CYSTM1: variants seen among roughly 807,000 people sequenced by gnomAD.
CYSTM1 encodes the protein cysteine-rich transmembrane module-containing protein 1.
CYSTM1 carries 4 observed loss-of-function variants against 13.1 expected under a neutral mutation model. The observed-to-expected ratio is 0.31, with a 90% CI of 0.15 to 0.70. CYSTM1 has a LOEUF of 0.70. Ranked by LOEUF, CYSTM1 falls within the 30% of genes least tolerant of loss-of-function variation. The probability of loss-of-function intolerance (pLI) is 0.72; values close to 1 mark genes in which losing one functional copy is unlikely to be tolerated. For missense variants in CYSTM1, 96 were observed against 121.6 expected, an observed-to-expected ratio of 0.79 and a Z score of 0.99; for synonymous variants, 36 against 42.7, an observed-to-expected ratio of 0.84 and a Z score of 0.62.
At chr5:140,204,730 TTC>T (rs1764277023) in intron 2 of CYSTM1, among the ~76,000 whole-genome samples, 1 of 152,186 alleles carries the variant, frequency 6.6e-6, no homozygotes, top group African/African-American at 2.4e-5. Context: ...CGTTTTTTTC[TTC>T]TTTCACCTCT....
chr5:140,186,176 A>T (rs937416631), intron 1 of CYSTM1, among the ~76,000 whole-genome samples: 1 of 152,214 alleles, frequency 6.6e-6, no homozygotes, highest in South Asian at 2.1e-4. Flanking sequence ...CCTGATATGT[A>T]GTAGGTACTT....
intron 2 of CYSTM1, 132 bp downstream of exon 2, chr5:140,194,784 G>A: frequency 8.9e-7 from 1 of 1,125,344 alleles, no homozygotes; most frequent in Non-Finnish European, 1.3e-6. Context: ...GCTTGATGAT[G>A]GCTTAGGGTG....
At chr5:140,241,623 G>A (rs770773032) in intron 2 of CYSTM1, among the ~76,000 whole-genome samples, 3 of 152,204 alleles carry the variant, frequency 2.0e-5, no homozygotes, top group Non-Finnish European at 4.4e-5. Context: ...ACAGGGAAGG[G>A]GTTATTCAAG....
At chr5:140,187,020 G>A (rs1373228988) in intron 1 of CYSTM1, among the ~76,000 whole-genome samples, 1 of 152,116 alleles carries the variant, frequency 6.6e-6, no homozygotes, top group Non-Finnish European at 1.5e-5. Context: ...CAGCTGCCCT[G>A]GAGGCTGAGG....
intron 1 of CYSTM1, among the ~76,000 whole-genome samples, chr5:140,188,640 G>A (rs1160943368): frequency 6.6e-6 from 1 of 151,950 alleles, no homozygotes; most frequent in East Asian, 1.9e-4. Context: ...TTAGCTGGGC[G>A]CAGTGGCGGG....
intron 1 of CYSTM1, among the ~76,000 whole-genome samples, chr5:140,191,817 T>G (rs1423259185): frequency 6.6e-6 from 1 of 152,196 alleles, no homozygotes; most frequent in African/African-American, 2.4e-5. Context: ...GGAATGGCCA[T>G]ATGGGGATTA....
chr5:140,227,584 A>G (rs1764572198), intron 2 of CYSTM1, among the ~76,000 whole-genome samples: 2 of 152,070 alleles, frequency 1.3e-5, no homozygotes, highest in Admixed American at 6.5e-5. Flanking sequence ...GGTTGTGGGG[A>G]GTTGGACCAT....
Position 140,194,481 on chromosome 5 carries a change from C to T in CYSTM1, c.16C>T (p.Pro6Ser). 1.3e-6 allele frequency: 2 copies of T among 1,598,400 alleles called. No individual in the cohort carries two copies. The highest frequency in any genetic ancestry group is 2.3e-5 in the South Asian group (2 of 88,232). The change falls in exon 2 of 3, where the codon CCT (proline) becomes TCT (serine). Residue 6 changes from proline to serine, a missense_variant. Coordinates refer to ENST00000261811, the MANE Select transcript of CYSTM1 (RefSeq NM_032412.4). MNQEN[P>S]PPYPGPGPTA... ...CAGGTCCCCGATGAACCAAGAGAACCCTCCACCATATCCAGGCCCTGGTCC... is the reference window on the plus strand; with the variant it reads ...CAGGTCCCCGATGAACCAAGAGAACTCTCCACCATATCCAGGCCCTGGTCC...
chr5:140,177,159 C>G (rs1179585370), intron 1 of CYSTM1, among the ~76,000 whole-genome samples: 4 of 151,048 alleles, frequency 2.6e-5, no homozygotes, highest in African/African-American at 9.7e-5. Flanking sequence ...GCTATTTTGT[C>G]TTAATTTCCT....
intron 2 of CYSTM1, among the ~76,000 whole-genome samples, chr5:140,207,815 C>T (rs1764316421): frequency 6.6e-6 from 1 of 152,184 alleles, no homozygotes; most frequent in Non-Finnish European, 1.5e-5. Context: ...ATTAATCATT[C>T]ACATCTGAGT....
chr5:140,204,268 G>A (rs780126994), intron 2 of CYSTM1, among the ~76,000 whole-genome samples: 1 of 152,110 alleles, frequency 6.6e-6, no homozygotes, highest in Non-Finnish European at 1.5e-5. Flanking sequence ...ATCTGCTCAG[G>A]AGGCTGAGGC....
At chr5:140,232,871 C>T (rs967576597) in intron 2 of CYSTM1, among the ~76,000 whole-genome samples, 8 of 152,174 alleles carry the variant, frequency 5.3e-5, no homozygotes. Context: ...TAATGTCACT[C>T]AGCTTTGAGC....
chr5:140,195,602 C>T (rs1237579186), intron 2 of CYSTM1, among the ~76,000 whole-genome samples: 2 of 151,526 alleles, frequency 1.3e-5, no homozygotes, highest in Admixed American at 6.6e-5. Context: ...CCACCACGCC[C>T]GGCTAATTTT....
intron 2 of CYSTM1, among the ~76,000 whole-genome samples, chr5:140,196,355 C>G (rs997451871): frequency 3.3e-5 from 5 of 152,098 alleles, no homozygotes; most frequent in Non-Finnish European, 7.4e-5. Flanking sequence ...AGAGATTTTC[C>G]TGTCATTTAG....
In CYSTM1 at chr5:140,194,515, C is replaced by T; in HGVS notation, c.50C>T (p.Pro17Leu). ...TATCCAGGCCCTGGTCCAACGGCCC[C>T]ATACCCACCTTATCCACCACAACCA... is the stretch of plus-strand genomic sequence containing the variant. Reference protein sequence around the residue: ...PPYPGPGPTAPYPPYPPQPMG... With the variant: ...PPYPGPGPTALYPPYPPQPMG... The change falls in exon 2 of 3, where the codon CCA becomes CTA. Residue 17 changes from proline to leucine, a missense_variant. Pro to Leu is a moderately conservative substitution (Grantham distance 98). Coordinates refer to ENST00000261811, the MANE Select transcript of CYSTM1 (RefSeq NM_032412.4). The T allele has an allele frequency of 6.2e-7, 1 of 1,613,022 alleles. No homozygotes were observed. The highest frequency in any genetic ancestry group is 1.1e-5 in the South Asian group (1 of 90,908).
intron 2 of CYSTM1, among the ~76,000 whole-genome samples, chr5:140,214,346 A>AT (rs1561814295): frequency 6.6e-6 from 1 of 152,154 alleles, no homozygotes; most frequent in African/African-American, 2.4e-5. Flanking sequence ...AGAACATTCT[A>AT]TTTTGCCTTT....
At chr5:140,241,595 T>C (rs1764749590) in intron 2 of CYSTM1, among the ~76,000 whole-genome samples, 2 of 152,172 alleles carry the variant, frequency 1.3e-5, no homozygotes, top group Admixed American at 1.3e-4. Flanking sequence ...GGCGAGCCAA[T>C]CCTGTGACAG....
chr5:140,235,124 G>A (rs893677278), intron 2 of CYSTM1, among the ~76,000 whole-genome samples: 6 of 151,626 alleles, frequency 4.0e-5, no homozygotes, highest in African/African-American at 1.2e-4. Flanking sequence ...CCGCCACCAC[G>A]CCTGGCTAAT....
At chr5:140,220,374 G>A (rs1271028508) in intron 2 of CYSTM1, among the ~76,000 whole-genome samples, 1 of 152,174 alleles carries the variant, frequency 6.6e-6, no homozygotes, top group Non-Finnish European at 1.5e-5. Context: ...ACTAGCCATC[G>A]TTTATTGAAT....
Sources: gnomAD v4.1 joint callset for allele counts (sites outside exome capture counted in the v4.1 genomes callset) on GRCh38, gnomAD v4.1.1 for gene constraint, MANE v1.5 for transcripts, NCBI Gene and HGNC (gene_info 2026-07-23, HGNC 2026-07-21) for gene names.